Variants in NOTCH2NLC observed in about 807,000 individuals in gnomAD.
NOTCH2NLC encodes notch homolog 2 N-terminal-like protein C.
In NOTCH2NLC, 4 loss-of-function variants were observed where a neutral mutation model predicts 17.7. The observed-to-expected ratio is 0.23, with a 90% CI of 0.11 to 0.52. NOTCH2NLC has a LOEUF of 0.52. NOTCH2NLC is among the 20% of genes least tolerant of loss of function. The probability of loss-of-function intolerance (pLI) is 0.96; values close to 1 mark genes in which losing one functional copy is unlikely to be tolerated. For missense variants in NOTCH2NLC, 57 were observed against 207.2 expected (o/e 0.28, Z 4.45); for synonymous variants, 18 against 86.0 (o/e 0.21, Z 4.38).
At chr1:149,462,784 A>T (rs1399901457) in intron 3 of NOTCH2NLC, among the ~76,000 whole-genome samples, 3 of 149,642 alleles carry the variant, frequency 2.0e-5, no homozygotes, top group South Asian at 4.3e-4. Flanking sequence ...TTGGAACTTT[A>T]GAGTTGCCAA....
At chr1:149,425,444 AAG>A (rs2084407932) in intron 1 of NOTCH2NLC, among the ~76,000 whole-genome samples, 1 of 151,402 alleles carries the variant, frequency 6.6e-6, no homozygotes, top group East Asian at 1.9e-4. Context: ...CTGTTCAGGA[AAG>A]AGGGCATAAA....
chr1:149,397,973 A>G (rs1262317774), intron 1 of NOTCH2NLC, among the ~76,000 whole-genome samples: 2 of 135,362 alleles, frequency 1.5e-5, no homozygotes, highest in African/African-American at 2.8e-5. Flanking sequence ...CCTGCTCCCA[A>G]GGAGCTGACA....
At chr1:149,449,774 G>A (rs1318048964) in intron 2 of NOTCH2NLC, among the ~76,000 whole-genome samples, 1 of 151,234 alleles carries the variant, frequency 6.6e-6, no homozygotes, top group African/African-American at 2.4e-5. Flanking sequence ...ATTCTCTACT[G>A]CTTAGTAGTC....
intron 2 of NOTCH2NLC, among the ~76,000 whole-genome samples, chr1:149,445,930 A>C: frequency 7.5e-6 from 1 of 133,656 alleles, no homozygotes; most frequent in Non-Finnish European, 1.6e-5. Context: ...AAAAAAGCTA[A>C]AGACAGAGCT....
chr1:149,399,902 CAT>C (rs2084233271), intron 1 of NOTCH2NLC, among the ~76,000 whole-genome samples: 1 of 149,418 alleles, frequency 6.7e-6, no homozygotes, highest in African/African-American at 2.5e-5. Context: ...ATAATTAACT[CAT>C]ATTTAAACTT....
chr1:149,430,472 T>C (rs1204883482), intron 1 of NOTCH2NLC, among the ~76,000 whole-genome samples: 1 of 146,954 alleles, frequency 6.8e-6, no homozygotes, highest in African/African-American at 2.5e-5. Context: ...TTATTGCTGT[T>C]TCTGATTACT....
At chr1:149,449,888 T>C (rs1450368225) in intron 2 of NOTCH2NLC, among the ~76,000 whole-genome samples, 2 of 150,466 alleles carry the variant, frequency 1.3e-5, no homozygotes, top group African/African-American at 4.9e-5. Context: ...AATTATATAA[T>C]ATGTGGCCTT....
At chr1:149,413,542 C>T (rs2084311448) in intron 1 of NOTCH2NLC, among the ~76,000 whole-genome samples, 1 of 151,148 alleles carries the variant, frequency 6.6e-6, no homozygotes, top group African/African-American at 2.4e-5. Flanking sequence ...TGTTTAATTA[C>T]CAATTATTTT....
At chr1:149,427,492 CTTT>C (rs1171198772) in intron 1 of NOTCH2NLC, among the ~76,000 whole-genome samples, 6 of 87,338 alleles carry the variant, frequency 6.9e-5, no homozygotes, top group African/African-American at 2.9e-4. Flanking sequence ...TCTACCACAG[CTTT>C]TTTTTTTTTT....
At chr1:149,412,812 C>CAA (rs1171085478) in intron 1 of NOTCH2NLC, among the ~76,000 whole-genome samples, 105 of 43,726 alleles carry the variant, frequency 2.4e-3, no homozygotes, top group African/African-American at 5.4e-3. Flanking sequence ...GACTGCATCT[C>CAA]AAAAAAAAAA....
chr1:149,460,899 C>G (rs2084644486), intron 3 of NOTCH2NLC, among the ~76,000 whole-genome samples: 1 of 124,610 alleles, frequency 8.0e-6, no homozygotes, highest in East Asian at 2.3e-4. Context: ...TTCTTTCTTT[C>G]TTTCTTTCTT....
At chr1:149,445,901 TAA>T (rs1182076544) in intron 2 of NOTCH2NLC, among the ~76,000 whole-genome samples, 26 of 72,610 alleles carry the variant, frequency 3.6e-4, no homozygotes, top group South Asian at 1.0e-3. Context: ...ATCCTCGTTT[TAA>T]AAAAAAAAAA....
At chr1:149,393,069 C>CAAAAAA in intron 1 of NOTCH2NLC, among the ~76,000 whole-genome samples, 1 of 43,066 alleles carries the variant, frequency 2.3e-5, no homozygotes, top group Non-Finnish European at 5.4e-5. Context: ...GACTCCGTCT[C>CAAAAAA]AAAAAAAAAA....
At chr1:149,448,571 T>A (rs1208986765) in intron 2 of NOTCH2NLC, among the ~76,000 whole-genome samples, 1 of 147,836 alleles carries the variant, frequency 6.8e-6, no homozygotes, top group Non-Finnish European at 1.5e-5. Context: ...AAAGTACACA[T>A]ATCCATTGGG....
intron 1 of NOTCH2NLC, among the ~76,000 whole-genome samples, chr1:149,426,670 AG>A (rs1344831655): frequency 6.9e-6 from 1 of 144,544 alleles, no homozygotes; most frequent in Non-Finnish European, 1.5e-5. Flanking sequence ...TCAGCCAGCA[AG>A]TATTTATTGA....
intron 1 of NOTCH2NLC, among the ~76,000 whole-genome samples, chr1:149,416,051 T>G (rs1193070795): frequency 6.8e-6 from 1 of 146,758 alleles, no homozygotes; most frequent in Non-Finnish European, 1.5e-5. Context: ...TGTCATTATT[T>G]TCTATAGTTC....
intron 1 of NOTCH2NLC, among the ~76,000 whole-genome samples, chr1:149,419,856 T>TATA (rs1491568669): frequency 1.8e-4 from 13 of 73,252 alleles, no homozygotes; most frequent in African/African-American, 5.7e-4. Context: ...TATATATATA[T>TATA]TTTTTTTTTT....
At chr1:149,413,311 C>A (rs1364850157) in intron 1 of NOTCH2NLC, among the ~76,000 whole-genome samples, 2 of 151,066 alleles carry the variant, frequency 1.3e-5, no homozygotes, top group Non-Finnish European at 3.0e-5. Flanking sequence ...TTTTATCTTT[C>A]CACATGATGG....
intron 3 of NOTCH2NLC, among the ~76,000 whole-genome samples, chr1:149,462,832 G>A: frequency 1.3e-5 from 1 of 79,040 alleles, no homozygotes; most frequent in South Asian, 4.0e-4. Context: ...ACGGGAAGTT[G>A]ATTTTTTTTT....
Sources: gnomAD v4.1 joint callset for allele counts (sites outside exome capture counted in the v4.1 genomes callset) on GRCh38, gnomAD v4.1.1 for gene constraint, MANE v1.5 for transcripts, NCBI Gene and HGNC (gene_info 2026-07-23, HGNC 2026-07-21) for gene names.